The following STK10 variants were observed in gnomAD, a reference collection of about 807,000 sequenced individuals.
The protein encoded by STK10 is serine/threonine kinase 10.
A neutral mutation model predicts 113.8 loss-of-function variants in STK10; 78 were observed. The observed-to-expected ratio is 0.69, with a 90% CI of 0.57 to 0.83. STK10 has a LOEUF of 0.83. STK10 is among the 40% of genes least tolerant of loss of function. The pLI, the probability that STK10 is intolerant of heterozygous loss-of-function variation, is 0.00. For missense variants in STK10, 1,109 were observed against 1,280.1 expected (o/e 0.87, Z 2.04); for synonymous variants, 465 against 494.7 (o/e 0.94, Z 0.80).
chr5:172,071,233 A>G lies in STK10; in HGVS notation c.1990-6421T>C, dbSNP rs6555994. Among the ~76,000 whole-genome samples, 1,149 of 133,510 alleles carry G rather than the reference A, an allele frequency of 8.6e-3. 32 individuals are homozygous for G. The highest frequency in any genetic ancestry group is 0.03 in the African/African-American group (1,068 of 35,330). 87.6% of individuals were successfully genotyped at this position (133,510 alleles called of 152,430 possible). On this transcript the variant is annotated intron_variant, in intron 12 of 18. Transcript: ENST00000176763. ...ATCTCAAAAAAAAAAAAAAAAAAAAAAAAAAAAAGAAATAGGTATTTCATT... is the reference window on the plus strand; with the variant it reads ...ATCTCAAAAAAAAAAAAAAAAAAAAGAAAAAAAAGAAATAGGTATTTCATT...
intron 2 of STK10, among the ~76,000 whole-genome samples, chr5:172,137,086 G>T (rs1769878642): frequency 6.6e-6 from 1 of 152,046 alleles, no homozygotes; most frequent in Admixed American, 6.6e-5. Flanking sequence ...TTAAAACTAG[G>T]AATGTTTTTG....
chr5:172,087,783 C>T (rs1408855295), intron 10 of STK10, among the ~76,000 whole-genome samples: 9 of 129,758 alleles, frequency 6.9e-5, no homozygotes, highest in Admixed American at 3.6e-4. Flanking sequence ...CGCCCGCCAC[C>T]GCGCCCGGCT....
chr5:172,116,460 G>A (rs962714738), intron 4 of STK10, among the ~76,000 whole-genome samples: 2 of 152,196 alleles, frequency 1.3e-5, no homozygotes, highest in Non-Finnish European at 2.9e-5. Context: ...AGCTCAAAGC[G>A]CTTGTCTCTG....
chr5:172,064,962 C>T (rs1225689525), intron 12 of STK10, 150 bp from the exon 13 acceptor site: 6 of 771,162 alleles, frequency 7.8e-6, no homozygotes, highest in Non-Finnish European at 1.2e-5. Flanking sequence ...CCCCACCAAG[C>T]CCCTCTGAGC....
rs192634482 is a variant in STK10 at position 172,059,823 on chromosome 5, T to C, written c.2212+1316A>G. On this transcript the variant is annotated intron_variant, in intron 14 of 18. Transcript: ENST00000176763. ...CCAAGCAAAGCTGCTGGTATGCTAC[T>C]GCCATCTTGTGGTCATTTATTTTTC... is the stretch of plus-strand genomic sequence containing the variant. Among the ~76,000 whole-genome samples the C allele has an allele frequency of 9.3e-4, 141 of 152,326 alleles. 2 individuals are homozygous for C. The highest frequency in any genetic ancestry group is 3.4e-3 in the Middle Eastern group (1 of 294).
At position 172,168,587 on chromosome 5, in the gene STK10, T is replaced by G. The variant is rs1581188806; in HGVS notation, c.157-11799A>C. Reference sequence around the variant, plus strand: ...GAAAAAGGCCTGTCAAACCCTCTTATGGTCTCTTGCTGCAGGGCAACGAGC... The same window carrying G: ...GAAAAAGGCCTGTCAAACCCTCTTAGGGTCTCTTGCTGCAGGGCAACGAGC... On this transcript the variant is annotated intron_variant, in intron 1 of 18. Coordinates refer to ENST00000176763, the MANE Select transcript of STK10 (RefSeq NM_005990.4). 2.0e-5 allele frequency among the ~76,000 whole-genome samples: 3 copies of G among 152,290 alleles called. 1 individual carries two copies.
At chr5:172,181,205 G>C (rs1770848856) in intron 1 of STK10, among the ~76,000 whole-genome samples, 2 of 152,142 alleles carry the variant, frequency 1.3e-5, no homozygotes, top group Non-Finnish European at 2.9e-5. Context: ...CTTTTTTCAG[G>C]TAAAATGCCT....
chr5:172,114,316 A>G (rs2087611), intron 4 of STK10, among the ~76,000 whole-genome samples: 38,769 of 132,720 alleles, frequency 0.29, 5,176 homozygotes, highest in African/African-American at 0.46. Context: ...GTGTGTGTGT[A>G]TGTGTGTTTT....
At chr5:172,119,109 G>A (rs920228038) in intron 3 of STK10, among the ~76,000 whole-genome samples, 18 of 151,976 alleles carry the variant, frequency 1.2e-4, no homozygotes, top group Admixed American at 2.6e-4. Flanking sequence ...ACGTGCGCAC[G>A]CTGCAGATCA....
At chr5:172,098,849 CCAT>C (rs952395841) in intron 7 of STK10, among the ~76,000 whole-genome samples, 9 of 151,832 alleles carry the variant, frequency 5.9e-5, no homozygotes, top group Admixed American at 4.6e-4. Flanking sequence ...GATATGGCAG[CCAT>C]CATCATCATC....
intron 13 of STK10, 95 bp from the exon 14 acceptor site, chr5:172,061,363 G>T: frequency 2.0e-6 from 3 of 1,473,140 alleles, no homozygotes; most frequent in Middle Eastern, 2.0e-4. Flanking sequence ...CGTGATCAGA[G>T]AAGAAAATGC....
At chr5:172,121,882 T>C (rs1170716744) in intron 3 of STK10, among the ~76,000 whole-genome samples, 3 of 151,866 alleles carry the variant, frequency 2.0e-5, no homozygotes, top group Non-Finnish European at 4.4e-5. Context: ...CTTTTTTTTT[T>C]TTTTTTAGAC....
intron 12 of STK10, among the ~76,000 whole-genome samples, chr5:172,073,840 C>T (rs964562647): frequency 2.0e-5 from 3 of 149,994 alleles, no homozygotes; most frequent in Admixed American, 6.6e-5. Context: ...TGGCACACAC[C>T]TGTAATCCCA....
intron 14 of STK10, among the ~76,000 whole-genome samples, chr5:172,060,575 C>T (rs1288411397): frequency 6.6e-6 from 1 of 152,142 alleles, no homozygotes; most frequent in East Asian, 1.9e-4. Context: ...GTGCTGGCAC[C>T]CTGACTGTGG....
At chr5:172,138,721 A>G (rs1027521837) in intron 2 of STK10, among the ~76,000 whole-genome samples, 1 of 152,132 alleles carries the variant, frequency 6.6e-6, no homozygotes, top group Admixed American at 6.5e-5. Flanking sequence ...GCAAAAAAAA[A>G]TTAAAGATTG....
Position 172,077,894 on chromosome 5 carries a change from T to C in STK10, c.1989+4432A>G, listed in dbSNP as rs142463003. On this transcript the variant is annotated intron_variant, in intron 12 of 18. Transcript: ENST00000176763. ...AAGGAAAGTGCCTGTTGCATATGCG[T>C]ATGGTCTCCCTCTCCAGCATCCACG... 1.4e-3 allele frequency among the ~76,000 whole-genome samples: 209 copies of C among 152,284 alleles called. 2 individuals are homozygous for C. Among genetic ancestry groups the C allele is most frequent in the African/African-American group, 4.8e-3 (200 of 41,562 alleles).
intron 1 of STK10, among the ~76,000 whole-genome samples, chr5:172,159,103 C>T (rs1354994479): frequency 6.6e-6 from 1 of 152,170 alleles, no homozygotes; most frequent in Admixed American, 6.5e-5. Context: ...AGCAAGCAAT[C>T]CCACCCCATT....
At chr5:172,069,953 T>TA (rs1187616712) in intron 12 of STK10, among the ~76,000 whole-genome samples, 30 of 152,174 alleles carry the variant, frequency 2.0e-4, no homozygotes, top group African/African-American at 7.2e-4. Context: ...ACTGAAATCT[T>TA]AAAAAATATA....
In STK10 at chr5:172,042,382, C is replaced by A. The variant is rs772384252; in HGVS notation, c.*2500G>T. The A allele has an allele frequency of 5.2e-5, 8 of 152,630 alleles. No individual in the cohort carries two copies. The highest frequency in any genetic ancestry group is 1.0e-4 in the Non-Finnish European group (7 of 68,066). 9.5% of individuals were successfully genotyped at this position (152,630 alleles called of 1,614,324 possible). A position where few individuals can be genotyped will look rare whatever the true frequency, so the allele number is the denominator to read the frequency against. ...CTAGGTGACCCCGCCAGTCCCCATC[C>A]AGAAAAGCACAGGGGAGCTCTGAGG... On this transcript the variant is annotated 3_prime_UTR_variant, in exon 19 of 19. Transcript: ENST00000176763.
Sources: gnomAD v4.1 joint callset for allele counts (sites outside exome capture counted in the v4.1 genomes callset) on GRCh38, gnomAD v4.1.1 for gene constraint, MANE v1.5 for transcripts, NCBI Gene and HGNC (gene_info 2026-07-23, HGNC 2026-07-21) for gene names.